The following FBXO36 variants were observed in gnomAD, a reference collection of about 807,000 sequenced individuals.
FBXO36 encodes F-box protein 36.
Under a neutral mutation model 17.0 loss-of-function variants are expected in FBXO36, and 18 were observed. That is an observed-to-expected ratio of 1.06 (90% CI 0.73 to 1.57). The LOEUF (loss-of-function observed/expected upper bound fraction) is 1.57, where lower values mean the gene tolerates loss of function less well. Ranked by LOEUF, FBXO36 falls within the 40% of genes most tolerant of loss-of-function variation. The pLI is 0.00. For missense variants in FBXO36, 229 were observed against 221.9 expected (o/e 1.03, Z -0.20); for synonymous variants, 83 against 85.3 (o/e 0.97, Z 0.15).
intron 1 of FBXO36, among the ~76,000 whole-genome samples, chr2:229,973,617 A>G (rs2077192358): frequency 6.6e-6 from 1 of 151,438 alleles, no homozygotes; most frequent in South Asian, 2.1e-4. Context: ...GCTACTCAGG[A>G]GGCTAAGGCA....
chr2:229,935,053 AT>A (rs1314608621), intron 1 of FBXO36, among the ~76,000 whole-genome samples: 1 of 152,170 alleles, frequency 6.6e-6, no homozygotes, highest in Non-Finnish European at 1.5e-5. Flanking sequence ...GCACCCTCAA[AT>A]GTGTTATATG....
At chr2:230,008,148 T>G (rs1398714350) in intron 3 of FBXO36, among the ~76,000 whole-genome samples, 2 of 152,166 alleles carry the variant, frequency 1.3e-5, no homozygotes, top group East Asian at 1.9e-4. Context: ...GGCAGTGTGG[T>G]GTGTTTAAAT....
intron 3 of FBXO36, 93 bp from the exon 4 acceptor site, chr2:230,010,603 T>G (rs903293726): frequency 8.7e-7 from 1 of 1,153,288 alleles, no homozygotes; most frequent in East Asian, 2.6e-5. Flanking sequence ...CTGGCACAGG[T>G]AGTGTTTCTC....
chr2:230,001,237 G>C (rs1280565559), intron 3 of FBXO36, among the ~76,000 whole-genome samples: 2 of 151,786 alleles, frequency 1.3e-5, no homozygotes, highest in East Asian at 3.9e-4. Context: ...TTTTATCTCT[G>C]TTCCATTTAC....
intron 2 of FBXO36, among the ~76,000 whole-genome samples, chr2:229,990,239 TTATA>T (rs2077291737): frequency 6.7e-6 from 1 of 148,638 alleles, no homozygotes; most frequent in Non-Finnish European, 1.5e-5. Context: ...ATGATATATC[TTATA>T]TATATTGTAT....
At chr2:229,955,175 C>A (rs1424276442) in intron 1 of FBXO36, among the ~76,000 whole-genome samples, 1 of 152,108 alleles carries the variant, frequency 6.6e-6, no homozygotes, top group African/African-American at 2.4e-5. Flanking sequence ...TAAAATTGAA[C>A]CCTCATCCCC....
At chr2:229,991,681 C>A (rs766818963) in intron 2 of FBXO36, among the ~76,000 whole-genome samples, 11 of 152,186 alleles carry the variant, frequency 7.2e-5, no homozygotes, top group Non-Finnish European at 1.2e-4. Flanking sequence ...TTAAAAATAT[C>A]ATGGGTTTTC....
At chr2:229,928,700 AGTGCAAATT>A in intron 1 of FBXO36, among the ~76,000 whole-genome samples, 1 of 152,286 alleles carries the variant, frequency 6.6e-6, no homozygotes, top group Admixed American at 6.5e-5. Context: ...ACAGTTTTAG[AGTGCAAATT>A]GATTAATGAT....
At chr2:229,997,776 A>G (rs2077335136) in intron 3 of FBXO36, among the ~76,000 whole-genome samples, 1 of 152,082 alleles carries the variant, frequency 6.6e-6, no homozygotes, top group African/African-American at 2.4e-5. Context: ...TGAAATCCTC[A>G]GCAGAATGAC....
intron 1 of FBXO36, among the ~76,000 whole-genome samples, chr2:229,949,063 G>A (rs2077041647): frequency 1.3e-5 from 2 of 152,246 alleles, no homozygotes; most frequent in South Asian, 4.1e-4. Flanking sequence ...TTAAACTCCT[G>A]ACCTCGTGAT....
intron 1 of FBXO36, among the ~76,000 whole-genome samples, chr2:229,958,258 T>C (rs1488475959): frequency 4.2e-5 from 3 of 71,722 alleles, no homozygotes; most frequent in African/African-American, 1.9e-4. Context: ...TCTGACTTTC[T>C]TTTTTTTTTT....
At chr2:229,960,840 G>T (rs1003856659) in intron 1 of FBXO36, among the ~76,000 whole-genome samples, 3 of 152,150 alleles carry the variant, frequency 2.0e-5, no homozygotes, top group African/African-American at 7.2e-5. Flanking sequence ...TGGGCGCAGT[G>T]GCTCATGCCT....
rs968362316 is a variant in FBXO36, at chr2:229,922,665, G to A, written c.96+56G>A. On this transcript the variant is annotated intron_variant, in intron 1 of 3. Transcript: ENST00000283946. ...CTAACTCCCTACCTGGCCCGGTTGG[G>A]GCCCGGGACGCAGGCTGTGCTAGGC... 2.5e-6 allele frequency: 4 copies of A among 1,574,376 alleles called. No homozygotes were observed. The Admixed American group carries it at 5.2e-5, about 21-fold the overall frequency.
chr2:229,988,548 T>C (rs2077280802), intron 2 of FBXO36, among the ~76,000 whole-genome samples: 1 of 152,156 alleles, frequency 6.6e-6, no homozygotes, highest in South Asian at 2.1e-4. Flanking sequence ...GTTTTTTTGT[T>C]TTTGAGACCG....
chr2:229,998,992 CG>C (rs1159561792), intron 3 of FBXO36, among the ~76,000 whole-genome samples: 36 of 151,612 alleles, frequency 2.4e-4, no homozygotes, highest in African/African-American at 8.7e-4. Flanking sequence ...TTAGTAGAGA[CG>C]GGGTTTCACC....
chr2:229,973,060 A>G (rs1217882480), intron 1 of FBXO36, among the ~76,000 whole-genome samples: 1 of 142,142 alleles, frequency 7.0e-6, no homozygotes, highest in East Asian at 2.0e-4. Flanking sequence ...ACTCTGTCTC[A>G]AAAAAAAAAA....
intron 1 of FBXO36, among the ~76,000 whole-genome samples, chr2:229,968,059 G>A (rs1485678969): frequency 6.6e-6 from 1 of 152,014 alleles, no homozygotes; most frequent in African/African-American, 2.4e-5. Context: ...TTCAGAGCCT[G>A]TTATTGGTCT....
intron 2 of FBXO36, among the ~76,000 whole-genome samples, chr2:229,988,142 A>G (rs974166243): frequency 6.6e-6 from 1 of 152,128 alleles, no homozygotes; most frequent in Middle Eastern, 3.2e-3. Context: ...GAGATTTCTT[A>G]GTTACTTTTT....
chr2:229,929,590 C>A (rs905313456), intron 1 of FBXO36, among the ~76,000 whole-genome samples: 4 of 151,230 alleles, frequency 2.6e-5, no homozygotes, highest in Non-Finnish European at 5.9e-5. Flanking sequence ...AAGAAAGACA[C>A]AGCCAGGCGC....
Sources: allele counts gnomAD v4.1 joint callset (sites outside exome capture counted in the v4.1 genomes callset), GRCh38; gene constraint gnomAD v4.1.1; transcripts MANE v1.5; gene names NCBI Gene and HGNC (gene_info 2026-07-23, HGNC 2026-07-21).